The following STAG1 variants were observed in gnomAD, a reference collection of about 807,000 sequenced individuals.
The protein encoded by STAG1 is cohesin subunit SA-1.
In STAG1, 26 loss-of-function variants were observed where a neutral mutation model predicts 170.9. That is an observed-to-expected ratio of 0.15 (90% confidence interval 0.11 to 0.21). STAG1 has a LOEUF of 0.21. Ranked by LOEUF, STAG1 falls within the 10% of genes least tolerant of loss-of-function variation. The pLI is 1.00. For missense variants in STAG1, 964 were observed against 1,509.5 expected, an observed-to-expected ratio of 0.64 and a Z score of 5.99; for synonymous variants, 514 against 497.7, an observed-to-expected ratio of 1.03 and a Z score of -0.44.
At chr3:136,631,793 G>GT (rs1386776990) in intron 1 of STAG1, among the ~76,000 whole-genome samples, 3 of 152,020 alleles carry the variant, frequency 2.0e-5, no homozygotes, top group Admixed American at 2.0e-4. Context: ...CCATTATACC[G>GT]TATCAAATGG....
At position 136,418,360 on chromosome 3, in the gene STAG1, C is replaced by CAAAAAAAAAAAA. The variant is rs767401141; in HGVS notation, c.2109-400_2109-389dup. On this transcript the variant is annotated intron_variant, in intron 20 of 33. Coordinates refer to ENST00000383202, the MANE Select transcript of STAG1 (RefSeq NM_005862.3). ...GGGTAACTGAGCAAGACTCTGTCTC[C>CAAAAAAAAAAAA]AAAAAAAAAAAAAAAAAAAAAAAAA... is the stretch of plus-strand genomic sequence containing the variant. Among the ~76,000 whole-genome samples, 23 of 49,760 alleles carry CAAAAAAAAAAAA rather than the reference C, an allele frequency of 4.6e-4. 3 individuals are homozygous for CAAAAAAAAAAAA. The highest frequency in any genetic ancestry group is 1.5e-3 in the African/African-American group (14 of 9,264). 32.6% of individuals were successfully genotyped at this position (49,760 alleles called of 152,430 possible).
chr3:136,644,551 C>G (rs1036704804), intron 1 of STAG1, among the ~76,000 whole-genome samples: 3 of 152,084 alleles, frequency 2.0e-5, no homozygotes, highest in Admixed American at 1.3e-4. Context: ...AACTGTTATA[C>G]TAAGTACAAA....
chr3:136,400,270 C>A (rs2087281135), intron 21 of STAG1, among the ~76,000 whole-genome samples: 2 of 152,138 alleles, frequency 1.3e-5, no homozygotes, highest in Admixed American at 6.5e-5. Context: ...CTCTGTTGCC[C>A]AGGCTGCAGT....
intron 1 of STAG1, among the ~76,000 whole-genome samples, chr3:136,637,567 G>A (rs1201165793): frequency 2.0e-5 from 3 of 152,074 alleles, no homozygotes; most frequent in African/African-American, 7.2e-5. Flanking sequence ...AAAATCAAAA[G>A]AAATGTAAGA....
At chr3:136,701,584 G>GC (rs1234741061) in intron 1 of STAG1, among the ~76,000 whole-genome samples, 1 of 152,070 alleles carries the variant, frequency 6.6e-6, no homozygotes, top group Non-Finnish European at 1.5e-5. Context: ...CAGCCGGTAT[G>GC]CCCCCCGGAT....
chr3:136,383,258 A>G (rs1158185076), intron 22 of STAG1, among the ~76,000 whole-genome samples: 1 of 152,202 alleles, frequency 6.6e-6, no homozygotes, highest in Admixed American at 6.5e-5. Flanking sequence ...ATGCCCCTTA[A>G]AGAACAATAG....
At chr3:136,613,581 G>C (rs774289934) in intron 3 of STAG1, among the ~76,000 whole-genome samples, 1 of 152,178 alleles carries the variant, frequency 6.6e-6, no homozygotes, top group Middle Eastern at 3.4e-3. Flanking sequence ...CTGCCTCCCA[G>C]GTTCAGGTGA....
At chr3:136,525,922 A>G (rs1030044234) in intron 6 of STAG1, among the ~76,000 whole-genome samples, 10 of 152,286 alleles carry the variant, frequency 6.6e-5, no homozygotes, top group African/African-American at 2.2e-4. Context: ...GAGTTTCTTA[A>G]TCCTGAGTTC....
intron 1 of STAG1, among the ~76,000 whole-genome samples, chr3:136,721,841 A>C (rs1933294544): frequency 6.6e-6 from 1 of 151,748 alleles, no homozygotes; most frequent in Non-Finnish European, 1.5e-5. Context: ...GAAGAATGGC[A>C]TGAACCCGGG....
chr3:136,503,359 T>G (rs1242921419), intron 7 of STAG1, among the ~76,000 whole-genome samples: 2 of 152,214 alleles, frequency 1.3e-5, no homozygotes, highest in African/African-American at 4.8e-5. Flanking sequence ...AATTTCCAAT[T>G]GACCTATCCT....
At chr3:136,563,181 T>C (rs530184096) in intron 5 of STAG1, among the ~76,000 whole-genome samples, 1 of 152,324 alleles carries the variant, frequency 6.6e-6, no homozygotes, top group East Asian at 1.9e-4. Flanking sequence ...GTAGATATCT[T>C]GAAAGGAGAC....
intron 9 of STAG1, among the ~76,000 whole-genome samples, chr3:136,498,261 C>CATACATAT (rs1933253372): frequency 1.1e-5 from 1 of 90,564 alleles, no homozygotes; most frequent in Admixed American, 1.1e-4. Flanking sequence ...CACACACACA[C>CATACATAT]ACACACACAC....
intron 13 of STAG1, among the ~76,000 whole-genome samples, chr3:136,461,591 A>G (rs925994756): frequency 2.8e-5 from 4 of 140,444 alleles, no homozygotes; most frequent in African/African-American, 7.9e-5. Flanking sequence ...CTCCGTCTTG[A>G]AAAAAAAAAA....
rs143950523 is a variant in STAG1, at chr3:136,409,544, C to G, written c.2196+8341G>C. Among the ~76,000 whole-genome samples, 1,153 of 152,024 alleles carry G rather than the reference C, an allele frequency of 7.6e-3. 19 individuals are homozygous for G. Among genetic ancestry groups the G allele is most frequent in the African/African-American group, 0.027 (1,122 of 41,456 alleles). ...TATAGATGGGGTTTTGCCATGTTGC[C>G]CAGGCTGGTCTCAAACTCCTGGCCT... On this transcript the variant is annotated intron_variant, in intron 21 of 33. Transcript: ENST00000383202.
At chr3:136,369,827 G>A (rs1263637697) in intron 23 of STAG1, among the ~76,000 whole-genome samples, 1 of 152,126 alleles carries the variant, frequency 6.6e-6, no homozygotes, top group Non-Finnish European at 1.5e-5. Flanking sequence ...ACATGATGGT[G>A]GATCCCATAA....
chr3:136,596,944 G>A (rs1938452746), intron 4 of STAG1, among the ~76,000 whole-genome samples: 5 of 152,038 alleles, frequency 3.3e-5, no homozygotes, highest in Non-Finnish European at 7.4e-5. Flanking sequence ...GCGTACTGGC[G>A]CATGCCTGTA....
chr3:136,394,938 CA>C (rs778204800), intron 22 of STAG1, among the ~76,000 whole-genome samples: 2,058 of 59,300 alleles, frequency 0.035, 31 homozygotes, highest in African/African-American at 0.085. Context: ...GACTCTGTCT[CA>C]AAAAAAAAAA....
At chr3:136,669,114 T>G (rs1285403409) in intron 1 of STAG1, among the ~76,000 whole-genome samples, 2 of 152,164 alleles carry the variant, frequency 1.3e-5, no homozygotes, top group Non-Finnish European at 1.5e-5. Context: ...TAAGATCTGT[T>G]TGAACAAAAA....
At chr3:136,490,938 T>G (rs2090114100) in intron 9 of STAG1, among the ~76,000 whole-genome samples, 1 of 152,202 alleles carries the variant, frequency 6.6e-6, no homozygotes, top group African/African-American at 2.4e-5. Context: ...ATCTTTCTGG[T>G]TGCTTTTATA....
Sources: allele counts gnomAD v4.1 joint callset (sites outside exome capture counted in the v4.1 genomes callset), GRCh38; gene constraint gnomAD v4.1.1; transcripts MANE v1.5; gene names NCBI Gene and HGNC (gene_info 2026-07-23, HGNC 2026-07-21).